The following ZNF215 variants were observed in gnomAD, a reference collection of about 807,000 sequenced individuals.
ZNF215 encodes BWSCR2-associated zinc finger protein 2.
In ZNF215, 24 loss-of-function variants were observed where a neutral mutation model predicts 27.2. The observed-to-expected ratio is 0.88, with a 90% confidence interval of 0.64 to 1.24. ZNF215 has a LOEUF of 1.24. ZNF215 is among the 50% of genes most tolerant of loss of function. The pLI, the probability that ZNF215 is intolerant of heterozygous loss-of-function variation, is 0.00. For synonymous variants in ZNF215, 210 were observed against 204.0 expected, an observed-to-expected ratio of 1.03 and a Z score of -0.25; for missense variants, 675 against 605.7, an observed-to-expected ratio of 1.11 and a Z score of -1.20.
chr11:6,963,647 C>CATA (rs1850561092), intron 5 of ZNF215, among the ~76,000 whole-genome samples: 1 of 151,852 alleles, frequency 6.6e-6, no homozygotes, highest in Non-Finnish European at 1.5e-5. Context: ...TTGGTATATA[C>CATA]CTAGGTGTGA....
At chr11:6,981,972 C>G (rs553244899) in intron 5 of ZNF215, among the ~76,000 whole-genome samples, 45 of 152,286 alleles carry the variant, frequency 3.0e-4, no homozygotes, top group African/African-American at 1.1e-3. Flanking sequence ...ATCGATATCT[C>G]TGGTTTGGTA....
chr11:6,941,542 T>C (rs776879494), intron 3 of ZNF215, 29 bp from the exon 4 acceptor site: 11 of 1,601,436 alleles, frequency 6.9e-6, no homozygotes, highest in Non-Finnish European at 9.4e-6. Context: ...AAAACTTGTC[T>C]CCCTAATATT....
At chr11:6,933,385 C>G (rs1027400778) in intron 3 of ZNF215, among the ~76,000 whole-genome samples, 11 of 152,012 alleles carry the variant, frequency 7.2e-5, no homozygotes, top group African/African-American at 2.2e-4. Context: ...ATGAATAAAC[C>G]AATATATAGT....
chr11:6,982,303 T>C (rs1222423904), intron 5 of ZNF215, among the ~76,000 whole-genome samples: 2 of 151,998 alleles, frequency 1.3e-5, no homozygotes, highest in Non-Finnish European at 2.9e-5. Flanking sequence ...CACACAATAA[T>C]AATGGGAGAC....
At chr11:6,939,471 A>C (rs1209352239) in intron 3 of ZNF215, among the ~76,000 whole-genome samples, 3 of 152,214 alleles carry the variant, frequency 2.0e-5, no homozygotes, top group Non-Finnish European at 4.4e-5. Context: ...AGAACAGTAT[A>C]GCTAAATGGC....
chr11:6,932,055 A>G, intron 2 of ZNF215, 39 bp from the exon 3 acceptor site: 1 of 499,932 alleles, frequency 2.0e-6, no homozygotes, highest in South Asian at 4.4e-5. Context: ...ATGCTAATAG[A>G]TGTTTGTTCC....
At chr11:6,960,078 C>G (rs1850483825), downstream of ZNF215, among the ~76,000 whole-genome samples, 3 of 151,920 alleles carry the variant, frequency 2.0e-5, no homozygotes, top group Admixed American at 2.0e-4. Flanking sequence ...AACCAATAAA[C>G]AAGGGAAATG....
At chr11:6,940,243 A>AAAAAAGTT (rs1217683674) in intron 3 of ZNF215, among the ~76,000 whole-genome samples, 2 of 151,928 alleles carry the variant, frequency 1.3e-5, no homozygotes, top group East Asian at 3.9e-4. Flanking sequence ...AAAAAAAAAA[A>AAAAAAGTT]AAAAAGTTAA....
intron 5 of ZNF215, among the ~76,000 whole-genome samples, chr11:6,969,328 A>G (rs1590082215): frequency 6.6e-6 from 1 of 152,276 alleles, no homozygotes; most frequent in Non-Finnish European, 1.5e-5. Context: ...ATTTTCTCCA[A>G]ATATACATTT....
At chr11:6,933,308 G>A (rs4426121) in intron 3 of ZNF215, among the ~76,000 whole-genome samples, 1 of 151,986 alleles carries the variant, frequency 6.6e-6, no homozygotes, top group African/African-American at 2.4e-5. Context: ...ATTTGGGAGT[G>A]GGGGAGAAGG....
chr11:6,991,288 C>T (rs757815517), downstream of ZNF215, among the ~76,000 whole-genome samples: 10 of 152,194 alleles, frequency 6.6e-5, no homozygotes, highest in Non-Finnish European at 1.5e-4. Context: ...TTCCACTTTC[C>T]CCTAGCCTCC....
At chr11:6,936,722 A>G (rs1263512504) in intron 3 of ZNF215, among the ~76,000 whole-genome samples, 3 of 152,052 alleles carry the variant, frequency 2.0e-5, no homozygotes, top group Non-Finnish European at 2.9e-5. Context: ...TAAGAGGACT[A>G]TACAAAATGA....
intron 5 of ZNF215, among the ~76,000 whole-genome samples, chr11:6,965,386 A>G (rs1373530643): frequency 6.6e-6 from 1 of 152,128 alleles, no homozygotes; most frequent in Non-Finnish European, 1.5e-5. Flanking sequence ...TGCTACATGG[A>G]CATCAATTTG....
intron 5 of ZNF215, among the ~76,000 whole-genome samples, chr11:6,981,979 G>A (rs1251079088): frequency 6.6e-6 from 1 of 152,062 alleles, no homozygotes; most frequent in Non-Finnish European, 1.5e-5. Flanking sequence ...TCTCTGGTTT[G>A]GTACCAGTAC....
In ZNF215 at chr11:6,932,263, AT is replaced by A; in HGVS notation, c.-7del. Reference sequence around the variant, plus strand: ...GGATTTGAACTACTGTGGGAGTTCTATTTAGGAAGATGCAGCCTCTGAGCAA... The same window carrying A: ...GGATTTGAACTACTGTGGGAGTTCTATTAGGAAGATGCAGCCTCTGAGCAA... On this transcript the variant is annotated 5_prime_UTR_variant, in exon 3 of 7. Coordinates refer to ENST00000278319, the MANE Select transcript of ZNF215 (RefSeq NM_013250.4). The A allele has an allele frequency of 6.2e-7, 1 of 1,611,256 alleles. No individual in the cohort carries two copies. Among genetic ancestry groups the A allele is most frequent in the South Asian group, 1.1e-5 (1 of 90,706 alleles).
downstream of ZNF215, among the ~76,000 whole-genome samples, chr11:6,991,533 AC>A (rs1315550894): frequency 3.3e-5 from 5 of 152,176 alleles, no homozygotes; most frequent in Non-Finnish European, 7.4e-5. Flanking sequence ...AGTCACCCCT[AC>A]ACACCCGCAA....
chr11:6,960,866 A>G (rs1850502607), downstream of ZNF215, among the ~76,000 whole-genome samples: 1 of 152,162 alleles, frequency 6.6e-6, no homozygotes. Flanking sequence ...TTTGGTGAAG[A>G]GAGTACTAAA....
chr11:6,993,933 T>C (rs1253531555), intron 6 of ZNF215, among the ~76,000 whole-genome samples: 2 of 152,180 alleles, frequency 1.3e-5, no homozygotes, highest in Non-Finnish European at 2.9e-5. Flanking sequence ...GTTTTAGCTC[T>C]TCTACCATAA....
intron 6 of ZNF215, among the ~76,000 whole-genome samples, chr11:6,947,525 C>T (rs1352521148): frequency 6.6e-6 from 1 of 151,968 alleles, no homozygotes; most frequent in Non-Finnish European, 1.5e-5. Context: ...TGGGCAACAG[C>T]AAGACCCTGT....
Sources: gnomAD v4.1 joint callset for allele counts (sites outside exome capture counted in the v4.1 genomes callset) on GRCh38, gnomAD v4.1.1 for gene constraint, MANE v1.5 for transcripts, NCBI Gene and HGNC (gene_info 2026-07-23, HGNC 2026-07-21) for gene names.